CMTM4: variants seen among roughly 807,000 people sequenced by gnomAD.
CMTM4 encodes the protein CKLF-like MARVEL transmembrane domain-containing protein 4.
In CMTM4, 8 loss-of-function variants were observed where a neutral mutation model predicts 19.0. That is an observed-to-expected ratio of 0.42 (90% confidence interval 0.25 to 0.76). The LOEUF (loss-of-function observed/expected upper bound fraction) is 0.76. Among genes scored for constraint, CMTM4 ranks in the 30% least tolerant of loss-of-function variants. The pLI is 0.27. For synonymous variants in CMTM4, 106 were observed against 121.1 expected, an observed-to-expected ratio of 0.88 and a Z score of 0.82; for missense variants, 228 against 290.2, an observed-to-expected ratio of 0.79 and a Z score of 1.56.
intron 2 of CMTM4, among the ~76,000 whole-genome samples, chr16:66,630,637 G>A (rs1489397422): frequency 2.0e-5 from 3 of 152,064 alleles, no homozygotes; most frequent in Non-Finnish European, 4.4e-5. Context: ...CGTTCACTCA[G>A]TGCTCAATGG....
intron 1 of CMTM4, among the ~76,000 whole-genome samples, chr16:66,680,417 T>C (rs1281437121): frequency 1.4e-5 from 2 of 143,938 alleles, no homozygotes; most frequent in East Asian, 2.1e-4. Context: ...AGGCAGAGGC[T>C]GCAGTGAGCC....
intron 1 of CMTM4, among the ~76,000 whole-genome samples, chr16:66,637,844 A>G (rs1226314529): frequency 6.6e-6 from 1 of 152,222 alleles, no homozygotes; most frequent in Non-Finnish European, 1.5e-5. Context: ...TCAAGGAAGC[A>G]GAGGCAGGCA....
chr16:66,635,323 T>C (rs1324934276), intron 2 of CMTM4, among the ~76,000 whole-genome samples: 2 of 152,188 alleles, frequency 1.3e-5, no homozygotes, highest in Admixed American at 1.3e-4. Flanking sequence ...ACAGCTAAGT[T>C]TTCAACTGAT....
chr16:66,632,352 A>G (rs867396437), intron 2 of CMTM4, among the ~76,000 whole-genome samples: 1 of 152,214 alleles, frequency 6.6e-6, no homozygotes, highest in Admixed American at 6.5e-5. Context: ...GAAGACCACC[A>G]CATAGTCAGG....
chr16:66,685,813 T>C (rs1220935721), intron 1 of CMTM4, among the ~76,000 whole-genome samples: 2 of 152,142 alleles, frequency 1.3e-5, no homozygotes, highest in African/African-American at 2.4e-5. Flanking sequence ...CCGGATAATT[T>C]TTTGTATTTT....
intron 1 of CMTM4, among the ~76,000 whole-genome samples, chr16:66,683,561 G>A (rs2144910983): frequency 6.6e-6 from 1 of 151,732 alleles, no homozygotes; most frequent in South Asian, 2.1e-4. Flanking sequence ...AAAGTGCTGG[G>A]AGCTACCACG....
the CMTM4 span, among the ~76,000 whole-genome samples, chr16:66,607,000 G>A: frequency 6.6e-6 from 1 of 152,160 alleles, no homozygotes; most frequent in Non-Finnish European, 1.5e-5. Flanking sequence ...TCTCTGGGGC[G>A]GAGGTAAGAT....
chr16:66,660,404 AAAC>A (rs1310122686), intron 1 of CMTM4, among the ~76,000 whole-genome samples: 49 of 151,930 alleles, frequency 3.2e-4, no homozygotes, highest in African/African-American at 1.1e-3. Context: ...AAAAAAAAAA[AAAC>A]AAAACTCCAC....
intron 1 of CMTM4, among the ~76,000 whole-genome samples, chr16:66,694,756 A>C (rs2144936033): frequency 6.7e-6 from 1 of 149,568 alleles, no homozygotes; most frequent in Admixed American, 6.7e-5. Flanking sequence ...ACCTCCCTTC[A>C]CCTCCTACAT....
intron 1 of CMTM4, among the ~76,000 whole-genome samples, chr16:66,641,999 C>T (rs1272392055): frequency 6.6e-6 from 1 of 152,174 alleles, no homozygotes; most frequent in Non-Finnish European, 1.5e-5. Flanking sequence ...CACCTCTATA[C>T]ACAACCACAA....
intron 1 of CMTM4, among the ~76,000 whole-genome samples, chr16:66,654,729 A>T (rs2144847379): frequency 6.6e-6 from 1 of 152,300 alleles, no homozygotes; most frequent in African/African-American, 2.4e-5. Flanking sequence ...TCTCTTTATA[A>T]ATTGTAAAAT....
the CMTM4 span, chr16:66,604,970 C>A: frequency 6.7e-7 from 1 of 1,482,196 alleles, no homozygotes; most frequent in African/African-American, 1.5e-5. Context: ...CGGCGGGACC[C>A]TCGGCCGCCC....
chr16:66,666,228 G>T (rs573780334), intron 1 of CMTM4, among the ~76,000 whole-genome samples: 1 of 152,110 alleles, frequency 6.6e-6, no homozygotes, highest in African/African-American at 2.4e-5. Context: ...CGAGGCAGGC[G>T]GATCACAAGG....
At chr16:66,691,996 T>C (rs1176731215) in intron 1 of CMTM4, among the ~76,000 whole-genome samples, 1 of 152,196 alleles carries the variant, frequency 6.6e-6, no homozygotes, top group African/African-American at 2.4e-5. Context: ...TTCTTAATCC[T>C]TTGAGGGAGG....
At chr16:66,664,450 G>C (rs573156477) in intron 1 of CMTM4, among the ~76,000 whole-genome samples, 71 of 152,212 alleles carry the variant, frequency 4.7e-4, no homozygotes, top group African/African-American at 1.7e-3. Context: ...AAGTATGCAT[G>C]ATGGTTAAGA....
rs1484077343 is a variant in CMTM4, at chr16:66,696,557, CT to C, written c.-33del. 8.6e-7 allele frequency: 1 copy of C among 1,157,830 alleles called. No individual in the cohort carries two copies. The highest frequency in any genetic ancestry group is 3.9e-5 in the East Asian group (1 of 25,494). 71.7% of individuals were successfully genotyped at this position (1,157,830 alleles called of 1,614,324 possible). On this transcript the variant is annotated 5_prime_UTR_variant, in exon 1 of 4. Transcript: ENST00000394106. The surrounding 1 kb of genome is among the most constrained non-coding windows in gnomAD (Gnocchi z 4.3). ...GCCCGGCCCGGGCCGCCTCGCGCGGCTGGCTCCCGGCGCCAGGAGCGGGCGG... is the reference window on the plus strand; with the variant it reads ...GCCCGGCCCGGGCCGCCTCGCGCGGCGGCTCCCGGCGCCAGGAGCGGGCGG...
intron 2 of CMTM4, among the ~76,000 whole-genome samples, chr16:66,634,142 T>C (rs1006347202): frequency 2.0e-5 from 3 of 152,136 alleles, no homozygotes; most frequent in Admixed American, 6.5e-5. Context: ...GAAAGCTCAC[T>C]AAATAGGTAT....
the CMTM4 span, chr16:66,609,279 G>T: frequency 1.6e-6 from 1 of 632,222 alleles, no homozygotes; most frequent in Admixed American, 2.8e-5. The surrounding 1 kb of genome is among the most constrained non-coding windows in gnomAD (Gnocchi z 4.4). Context: ...CACCTCGGGG[G>T]TGGGACAAGG....
At chr16:66,665,616 T>A (rs2016577889) in intron 1 of CMTM4, among the ~76,000 whole-genome samples, 1 of 151,984 alleles carries the variant, frequency 6.6e-6, no homozygotes, top group African/African-American at 2.4e-5. Flanking sequence ...TGGTGGTACA[T>A]GCCTGTAGTC....
Sources: gnomAD v4.1 joint callset for allele counts (sites outside exome capture counted in the v4.1 genomes callset) on GRCh38, gnomAD v4.1.1 for gene constraint, Gnocchi (gnomAD v3.1) non-coding constraint, MANE v1.5 for transcripts, NCBI Gene and HGNC (gene_info 2026-07-23, HGNC 2026-07-21) for gene names.